Variants in RSRC1 observed in about 807,000 individuals in gnomAD.
The protein encoded by RSRC1 is arginine and serine rich coiled-coil 1, also known as serine/Arginine-related protein 53.
In RSRC1, 39 loss-of-function variants were observed where a neutral mutation model predicts 49.1. The ratio of observed to expected loss-of-function variants is 0.79; its 90% CI spans 0.61 to 1.04. The LOEUF is 1.04. Ranked by LOEUF, RSRC1 falls within the 50% of genes least tolerant of loss-of-function variation. The pLI is 0.00. For missense variants in RSRC1, 388 were observed against 402.4 expected (o/e 0.96, Z 0.31); for synonymous variants, 143 against 130.8 (o/e 1.09, Z -0.63).
At chr3:158,221,852 A>G (rs1722237184) in intron 4 of RSRC1, among the ~76,000 whole-genome samples, 2 of 151,546 alleles carry the variant, frequency 1.3e-5, no homozygotes, top group Admixed American at 1.3e-4. Context: ...TAAAAGAGGT[A>G]TTTATTATAG....
At chr3:158,151,321 A>G (rs1045093370) in intron 3 of RSRC1, among the ~76,000 whole-genome samples, 3 of 150,970 alleles carry the variant, frequency 2.0e-5, no homozygotes, top group African/African-American at 7.4e-5. Context: ...AGCTGGGGGG[A>G]ATTTAGCAAG....
chr3:158,392,698 A>G (rs7650256), intron 6 of RSRC1, among the ~76,000 whole-genome samples: 53,838 of 151,928 alleles, frequency 0.35, 10,545 homozygotes, highest in South Asian at 0.47. Context: ...AGAGATCTAC[A>G]AAGAGACTTA....
intron 7 of RSRC1, among the ~76,000 whole-genome samples, chr3:158,472,063 G>A (rs1207345322): frequency 1.3e-5 from 2 of 151,998 alleles, no homozygotes; most frequent in Non-Finnish European, 2.9e-5. Flanking sequence ...TTATGTAACA[G>A]CAACATTCTA....
chr3:158,116,709 G>A (rs1714849465), intron 1 of RSRC1, among the ~76,000 whole-genome samples: 1 of 137,824 alleles, frequency 7.3e-6, no homozygotes, highest in African/African-American at 2.9e-5. Flanking sequence ...TAGTGTTACA[G>A]TGAATATAGT....
chr3:158,387,551 C>T (rs1468839072), intron 6 of RSRC1, among the ~76,000 whole-genome samples: 1 of 152,102 alleles, frequency 6.6e-6, no homozygotes, highest in African/African-American at 2.4e-5. Context: ...TGGTCATCTA[C>T]AGTATTTGCA....
At chr3:158,353,292 A>G (rs1265205623) in intron 5 of RSRC1, among the ~76,000 whole-genome samples, 1 of 152,132 alleles carries the variant, frequency 6.6e-6, no homozygotes, top group African/African-American at 2.4e-5. Flanking sequence ...AGATCTGATC[A>G]CATCTCCCCT....
Position 158,368,531 on chromosome 3 carries a change from C to G in RSRC1, c.583+13623C>G, listed in dbSNP as rs1731900934. Among the ~76,000 whole-genome samples, 4 of 152,202 alleles carry G rather than the reference C, an allele frequency of 2.6e-5. No individual in the cohort carries two copies. In the South Asian group the frequency reaches 8.3e-4, roughly 31 times the overall value. The stretch of plus-strand genomic sequence containing the variant: ...CCTTGACCATGGACTGTTCAATGTG[C>G]AACTCAAAATCTACTCCACTAATCC... On this transcript the variant is annotated intron_variant, in intron 6 of 9. Transcript: ENST00000611884.
chr3:158,396,835 G>A (rs1733638056), intron 6 of RSRC1, among the ~76,000 whole-genome samples: 3 of 152,090 alleles, frequency 2.0e-5, no homozygotes, highest in Admixed American at 1.3e-4. Context: ...GATTTACTGA[G>A]TGCTTTTTAT....
chr3:158,261,498 A>G (rs1724892140), intron 4 of RSRC1, among the ~76,000 whole-genome samples: 1 of 152,134 alleles, frequency 6.6e-6, no homozygotes, highest in African/African-American at 2.4e-5. Flanking sequence ...TTCTTTATAT[A>G]TTCTGGATTC....
intron 6 of RSRC1, among the ~76,000 whole-genome samples, chr3:158,417,246 T>A (rs1444658101): frequency 6.6e-6 from 1 of 152,112 alleles, no homozygotes; most frequent in Admixed American, 6.6e-5. Context: ...CTCTAGTTTA[T>A]CAAAACTTTT....
At chr3:158,327,663 A>G (rs1095643) in intron 5 of RSRC1, among the ~76,000 whole-genome samples, 90,636 of 150,842 alleles carry the variant, frequency 0.6, 27,451 homozygotes, top group East Asian at 0.74. Flanking sequence ...TATGTGGTCA[A>G]TTTTGGAATA....
At chr3:158,407,760 T>A (rs1484368530) in intron 6 of RSRC1, among the ~76,000 whole-genome samples, 1 of 152,208 alleles carries the variant, frequency 6.6e-6, no homozygotes, top group East Asian at 1.9e-4. Context: ...GAAGTTCATT[T>A]GAAAATCCTG....
intron 1 of RSRC1, among the ~76,000 whole-genome samples, chr3:158,112,272 G>A (rs1472496196): frequency 1.3e-5 from 2 of 152,186 alleles, no homozygotes; most frequent in Non-Finnish European, 2.9e-5. Context: ...GTGGAGTTAA[G>A]TATAAAGAAT....
intron 8 of RSRC1, among the ~76,000 whole-genome samples, chr3:158,542,396 A>C (rs1713082577): frequency 6.6e-6 from 1 of 152,130 alleles, no homozygotes; most frequent in African/African-American, 2.4e-5. Context: ...CCGAGTGTGC[A>C]TGGTGGTGTG....
intron 7 of RSRC1, among the ~76,000 whole-genome samples, chr3:158,494,968 C>G (rs1209855494): frequency 6.6e-6 from 1 of 152,190 alleles, no homozygotes; most frequent in Non-Finnish European, 1.5e-5. Context: ...GTAACATAGT[C>G]ATTTATCAGC....
chr3:158,494,828 T>C (rs1251280783), intron 7 of RSRC1, among the ~76,000 whole-genome samples: 1 of 152,110 alleles, frequency 6.6e-6, no homozygotes, highest in Non-Finnish European at 1.5e-5. Context: ...CACCAGAAGG[T>C]GTTTAGGGGC....
At chr3:158,526,259 C>T (rs1712016520) in intron 7 of RSRC1, among the ~76,000 whole-genome samples, 1 of 151,876 alleles carries the variant, frequency 6.6e-6, no homozygotes, top group South Asian at 2.1e-4. Context: ...CACGTAAAAT[C>T]ATAACTATTA....
intron 3 of RSRC1, among the ~76,000 whole-genome samples, chr3:158,162,517 C>T (rs1190687857): frequency 1.3e-5 from 2 of 152,112 alleles, no homozygotes; most frequent in African/African-American, 4.8e-5. Flanking sequence ...AAATCCTAAT[C>T]AAATTGGGAG....
intron 7 of RSRC1, among the ~76,000 whole-genome samples, chr3:158,487,526 A>C (rs943653987): frequency 1.3e-5 from 2 of 152,168 alleles, no homozygotes; most frequent in Non-Finnish European, 2.9e-5. Context: ...TCCTGGCCAC[A>C]TGAAAGGTCA....
Sources: gnomAD v4.1 joint callset for allele counts (sites outside exome capture counted in the v4.1 genomes callset) on GRCh38, gnomAD v4.1.1 for gene constraint, MANE v1.5 for transcripts, NCBI Gene and HGNC (gene_info 2026-07-23, HGNC 2026-07-21) for gene names.